Variants in SLC14A2 observed in about 807,000 individuals in gnomAD.
The protein encoded by SLC14A2 is solute carrier family 14 member 2.
SLC14A2 carries 91 observed loss-of-function variants against 104.6 expected under a neutral mutation model. That is an observed-to-expected ratio of 0.87 (90% CI 0.73 to 1.04). SLC14A2 has a LOEUF of 1.04. Ranked by LOEUF, SLC14A2 falls within the 50% of genes least tolerant of loss-of-function variation. The pLI is 0.00. For synonymous variants in SLC14A2, 476 were observed against 466.4 expected, an observed-to-expected ratio of 1.02 and a Z score of -0.27; for missense variants, 1,189 against 1,156.0, an observed-to-expected ratio of 1.03 and a Z score of -0.41.
At chr18:45,660,061 A>G (rs553926264) in intron 10 of SLC14A2, among the ~76,000 whole-genome samples, 1 of 152,096 alleles carries the variant, frequency 6.6e-6, no homozygotes, top group Non-Finnish European at 1.5e-5. Flanking sequence ...TGAGTTCAGG[A>G]GTTTTAGGCT....
chr18:45,320,401 C>A (rs190724817), intron 1 of SLC14A2, among the ~76,000 whole-genome samples: 46 of 152,298 alleles, frequency 3.0e-4, no homozygotes, highest in African/African-American at 1.1e-3. Flanking sequence ...AACCCAAACT[C>A]GTCTACATGG....
chr18:45,363,587 A>G (rs183545805), intron 1 of SLC14A2, among the ~76,000 whole-genome samples: 10 of 152,274 alleles, frequency 6.6e-5, no homozygotes, highest in Non-Finnish European at 1.3e-4. Flanking sequence ...ACTCATTGAA[A>G]TGTCTTCTCA....
At chr18:45,187,205 C>G in the SLC14A2 span, among the ~76,000 whole-genome samples, 85 of 152,186 alleles carry the variant, frequency 5.6e-4, no homozygotes, top group African/African-American at 2.0e-3. Context: ...AAGCAATGAC[C>G]TGTATGGATC....
chr18:45,515,932 C>G (rs890748135), intron 2 of SLC14A2, among the ~76,000 whole-genome samples: 1 of 152,196 alleles, frequency 6.6e-6, no homozygotes, highest in Non-Finnish European at 1.5e-5. Flanking sequence ...AATACCCAAG[C>G]CATTGTGGTA....
At chr18:45,457,519 G>A (rs1430150278) in intron 1 of SLC14A2, among the ~76,000 whole-genome samples, 1 of 152,128 alleles carries the variant, frequency 6.6e-6, no homozygotes, top group Non-Finnish European at 1.5e-5. Flanking sequence ...AAAGTGGCGA[G>A]GCTTGCTTTG....
At chr18:45,531,211 A>G (rs1447807687) in intron 2 of SLC14A2, among the ~76,000 whole-genome samples, 5 of 152,198 alleles carry the variant, frequency 3.3e-5, no homozygotes, top group Admixed American at 6.5e-5. Context: ...TTGGGTATAT[A>G]CCCAGTAATG....
chr18:45,414,757 A>AAAAAAAAAAT (rs1360051908), intron 1 of SLC14A2, among the ~76,000 whole-genome samples: 61 of 76,070 alleles, frequency 8.0e-4, no homozygotes, highest in African/African-American at 3.9e-3. Flanking sequence ...AAAAAAAAAA[A>AAAAAAAAAAT]ATATATATAT....
intron 2 of SLC14A2, among the ~76,000 whole-genome samples, chr18:45,596,743 C>T (rs981681136): frequency 6.6e-6 from 1 of 152,190 alleles, no homozygotes; most frequent in Non-Finnish European, 1.5e-5. Context: ...CGAAGGTAAT[C>T]GCTCTTAAAG....
the SLC14A2 span, among the ~76,000 whole-genome samples, chr18:45,176,242 C>A: frequency 1.3e-5 from 2 of 152,156 alleles, no homozygotes; most frequent in Non-Finnish European, 2.9e-5. Flanking sequence ...ATTCTCACAA[C>A]CACAATATGT....
At chr18:45,235,499 T>C (rs2084215827) in intron 1 of SLC14A2, among the ~76,000 whole-genome samples, 1 of 152,068 alleles carries the variant, frequency 6.6e-6, no homozygotes, top group South Asian at 2.1e-4. Flanking sequence ...TACAGTACTA[T>C]AGAACGCTAG....
intron 1 of SLC14A2, among the ~76,000 whole-genome samples, chr18:45,433,533 T>G (rs1167840283): frequency 2.0e-5 from 3 of 152,222 alleles, no homozygotes; most frequent in African/African-American, 7.2e-5. Flanking sequence ...TTGTGACACT[T>G]ACCTTATTCT....
intron 1 of SLC14A2, among the ~76,000 whole-genome samples, chr18:45,329,575 A>C (rs1053803257): frequency 6.6e-6 from 1 of 152,208 alleles, no homozygotes; most frequent in African/African-American, 2.4e-5. Context: ...GTGGAGCAAG[A>C]ATGAAAGGTT....
chr18:45,557,830 C>G (rs974783494), intron 2 of SLC14A2, among the ~76,000 whole-genome samples: 5 of 152,128 alleles, frequency 3.3e-5, no homozygotes, highest in Non-Finnish European at 7.3e-5. Flanking sequence ...CATTCACACC[C>G]TAAAGCAGGT....
intron 11 of SLC14A2, among the ~76,000 whole-genome samples, chr18:45,664,939 G>C (rs1484261615): frequency 6.6e-6 from 1 of 152,142 alleles, no homozygotes; most frequent in East Asian, 1.9e-4. Flanking sequence ...TGTGGTTGGG[G>C]AGAGCATAGT....
intron 1 of SLC14A2, among the ~76,000 whole-genome samples, chr18:45,279,799 C>T (rs568038310): frequency 6.0e-4 from 91 of 152,296 alleles, no homozygotes; most frequent in African/African-American, 2.0e-3. Context: ...AAACACAAAG[C>T]GACCCATGAG....
At chr18:45,368,747 A>C (rs915293052) in intron 1 of SLC14A2, among the ~76,000 whole-genome samples, 2 of 152,188 alleles carry the variant, frequency 1.3e-5, no homozygotes, top group Non-Finnish European at 2.9e-5. Flanking sequence ...ACCTGCTCTG[A>C]ATTTCGTTTT....
intron 1 of SLC14A2, among the ~76,000 whole-genome samples, chr18:45,431,974 A>G (rs1254428366): frequency 6.6e-6 from 1 of 152,202 alleles, no homozygotes; most frequent in African/African-American, 2.4e-5. Context: ...GGAAGGCAGT[A>G]CAATGGCAGA....
the SLC14A2 span, among the ~76,000 whole-genome samples, chr18:45,206,573 G>A: frequency 6.6e-6 from 1 of 152,068 alleles, no homozygotes; most frequent in African/African-American, 2.4e-5. Flanking sequence ...TTATATTTTT[G>A]TATGCCTTTC....
intron 1 of SLC14A2, among the ~76,000 whole-genome samples, chr18:45,319,361 C>T (rs890814492): frequency 1.3e-5 from 2 of 152,232 alleles, no homozygotes; most frequent in South Asian, 2.1e-4. Context: ...TCTCACATAG[C>T]GCCAGCATAT....
Sources: allele counts gnomAD v4.1 joint callset (sites outside exome capture counted in the v4.1 genomes callset), GRCh38; gene constraint gnomAD v4.1.1; transcripts MANE v1.5; gene names NCBI Gene and HGNC (gene_info 2026-07-23, HGNC 2026-07-21).